CHN2: variants seen among roughly 807,000 people sequenced by gnomAD.
CHN2 encodes beta-chimaerin.
Under a neutral mutation model 56.3 loss-of-function variants are expected in CHN2, and 35 were observed. The observed-to-expected ratio is 0.62, with a 90% CI of 0.47 to 0.82. The LOEUF is 0.82. Ranked by LOEUF, CHN2 falls within the 40% of genes least tolerant of loss-of-function variation. The probability of loss-of-function intolerance (pLI) is 0.00; values close to 1 mark genes in which losing one functional copy is unlikely to be tolerated. For missense variants in CHN2, 491 were observed against 580.5 expected, an observed-to-expected ratio of 0.85 and a Z score of 1.58; for synonymous variants, 210 against 212.8, an observed-to-expected ratio of 0.99 and a Z score of 0.12.
In CHN2 at chr7:29,235,926, A is replaced by G. The variant is rs369655750; in HGVS notation, c.49+40936A>G. Among the ~76,000 whole-genome samples, 9 of 152,198 alleles carry G rather than the reference A, an allele frequency of 5.9e-5. 2 individuals carry two copies. The South Asian group carries it at 8.3e-4, about 14-fold the overall frequency. ...GAGGATGAGGATTCAAAAACTACCT[A>G]TTGGGTACTATGCTCATTACATGGG... On this transcript the variant is annotated intron_variant, in intron 1 of 12. Coordinates refer to ENST00000222792, the MANE Select transcript of CHN2 (RefSeq NM_004067.4).
chr7:29,273,337 A>ATG (rs1790828059), intron 1 of CHN2, among the ~76,000 whole-genome samples: 2 of 79,986 alleles, frequency 2.5e-5, no homozygotes, highest in African/African-American at 1.4e-4. Flanking sequence ...ATATATATAT[A>ATG]TATGTGTATA....
intron 1 of CHN2, among the ~76,000 whole-genome samples, chr7:29,315,190 C>G (rs1010157629): frequency 3.3e-5 from 5 of 152,110 alleles, no homozygotes; most frequent in Non-Finnish European, 7.4e-5. Flanking sequence ...ATGTATGCTT[C>G]TAGTGCAAGG....
At chr7:29,198,505 A>G (rs982495378) in intron 1 of CHN2, among the ~76,000 whole-genome samples, 9 of 152,232 alleles carry the variant, frequency 5.9e-5, no homozygotes, top group African/African-American at 2.2e-4. Context: ...TGGAATATTC[A>G]ATTATGTGTA....
intron 1 of CHN2, among the ~76,000 whole-genome samples, chr7:29,251,059 T>C (rs938824621): frequency 2.0e-5 from 3 of 152,228 alleles, no homozygotes; most frequent in Non-Finnish European, 4.4e-5. Context: ...TTATTAATTA[T>C]GGGCAAGGAT....
chr7:29,262,323 A>G (rs1007568802), intron 1 of CHN2, among the ~76,000 whole-genome samples: 3 of 152,248 alleles, frequency 2.0e-5, no homozygotes, highest in Non-Finnish European at 4.4e-5. Context: ...ACAAATACAC[A>G]TAGTTGTTCT....
chr7:29,205,254 A>T (rs1163366057), intron 1 of CHN2, among the ~76,000 whole-genome samples: 1 of 152,168 alleles, frequency 6.6e-6, no homozygotes, highest in African/African-American at 2.4e-5. Flanking sequence ...CTTTAAATTT[A>T]ACTCTCTGAA....
intron 2 of CHN2, among the ~76,000 whole-genome samples, chr7:29,366,871 A>C (rs1324818449): frequency 2.6e-5 from 4 of 152,150 alleles, no homozygotes; most frequent in Non-Finnish European, 4.4e-5. Flanking sequence ...AATATATTCC[A>C]TCATTTTTAT....
At chr7:29,415,220 C>T (rs1242796592) in intron 6 of CHN2, among the ~76,000 whole-genome samples, 1 of 152,192 alleles carries the variant, frequency 6.6e-6, no homozygotes, top group African/African-American at 2.4e-5. Flanking sequence ...TGGACTCTTT[C>T]TGCCTGGACT....
At chr7:29,472,281 A>ACACACACACACACACG (rs1554298694) in intron 6 of CHN2, among the ~76,000 whole-genome samples, 24 of 143,604 alleles carry the variant, frequency 1.7e-4, no homozygotes, top group South Asian at 2.3e-4. Context: ...ATACACACAC[A>ACACACACACACACACG]CACACACACA....
At chr7:29,392,754 T>G (rs1016338583) in intron 3 of CHN2, among the ~76,000 whole-genome samples, 1 of 152,220 alleles carries the variant, frequency 6.6e-6, no homozygotes, top group African/African-American at 2.4e-5. Context: ...CTCTGAGCCC[T>G]GCTGTGAAAA....
chr7:29,179,221 G>C (rs943431083), intron 2 of CHN2, among the ~76,000 whole-genome samples: 23 of 152,292 alleles, frequency 1.5e-4, no homozygotes, highest in Non-Finnish European at 2.4e-4. Flanking sequence ...CCTTCAGAAG[G>C]CTCCATCCCC....
intron 7 of CHN2, among the ~76,000 whole-genome samples, chr7:29,485,817 C>A (rs1258188877): frequency 1.3e-5 from 2 of 152,078 alleles, no homozygotes; most frequent in African/African-American, 4.8e-5. Context: ...GCAGGCCCTT[C>A]CCCCACTCAG....
chr7:29,379,387 A>G (rs1800319231), intron 3 of CHN2, among the ~76,000 whole-genome samples: 1 of 152,232 alleles, frequency 6.6e-6, no homozygotes, highest in Non-Finnish European at 1.5e-5. Context: ...CTTAAATTTC[A>G]GGAACAAAGC....
rs1175429614 is a variant in CHN2 at position 29,233,825 on chromosome 7, ATTT to A, written c.49+38859_49+38861del. Among the ~76,000 whole-genome samples the A allele has an allele frequency of 1.5e-4, 8 of 53,200 alleles. No homozygotes were observed. The East Asian group carries it at 3.0e-3, about 20-fold the overall frequency. 34.9% of individuals were successfully genotyped at this position (53,200 alleles called of 152,430 possible). A position where few individuals can be genotyped will look rare whatever the true frequency, so the allele number is the denominator to read the frequency against. On this transcript the variant is annotated intron_variant, in intron 1 of 12. Coordinates refer to ENST00000222792, the MANE Select transcript of CHN2 (RefSeq NM_004067.4). ...AGAATGCAGCCCTGCCAACACCTTG[ATTT>A]TTTTTTTTTTTTTTTTTTTTTTTGA...
chr7:29,258,939 A>G (rs937413872), intron 1 of CHN2, among the ~76,000 whole-genome samples: 4 of 152,108 alleles, frequency 2.6e-5, no homozygotes, highest in African/African-American at 9.7e-5. Context: ...TAATCCCAAA[A>G]GGTTGTAAAC....
chr7:29,157,701 C>T (rs1170519893), intron 2 of CHN2, among the ~76,000 whole-genome samples: 1 of 152,208 alleles, frequency 6.6e-6, no homozygotes, highest in Non-Finnish European at 1.5e-5. Flanking sequence ...TGAAAAGCCA[C>T]TCAATGACCT....
chr7:29,447,384 CAGAAAT>C (rs1330972786), intron 6 of CHN2, among the ~76,000 whole-genome samples: 2 of 152,130 alleles, frequency 1.3e-5, no homozygotes, highest in East Asian at 1.9e-4. Context: ...AGATTAAAGA[CAGAAAT>C]AGAAACTATC....
At chr7:29,195,629 A>AGTGTGTGTGTGTGT (rs70980513) in intron 1 of CHN2, among the ~76,000 whole-genome samples, 1 of 117,504 alleles carries the variant, frequency 8.5e-6, no homozygotes, top group African/African-American at 3.6e-5. Context: ...AGAGAGAGAG[A>AGTGTGTGTGTGTGT]GTGTGTGTGT....
At chr7:29,341,229 A>G (rs1797033846) in intron 1 of CHN2, among the ~76,000 whole-genome samples, 1 of 146,270 alleles carries the variant, frequency 6.8e-6, no homozygotes, top group Non-Finnish European at 1.5e-5. Context: ...GTGTGGAGGT[A>G]CAGTCGGTAG....
Sources: gnomAD v4.1 joint callset for allele counts (sites outside exome capture counted in the v4.1 genomes callset) on GRCh38, gnomAD v4.1.1 for gene constraint, MANE v1.5 for transcripts, NCBI Gene and HGNC (gene_info 2026-07-23, HGNC 2026-07-21) for gene names.